ARHGAP32: variants seen among roughly 807,000 people sequenced by gnomAD.
The protein encoded by ARHGAP32 is Rho GTPase activating protein 32, also known as rho GTPase-activating protein 32.
In ARHGAP32, 51 loss-of-function variants were observed where a neutral mutation model predicts 186.5. The observed-to-expected ratio is 0.27, with a 90% CI of 0.22 to 0.35. The LOEUF is 0.35. Among genes scored for constraint, ARHGAP32 ranks in the 10% least tolerant of loss-of-function variants. The pLI, the probability that ARHGAP32 is intolerant of heterozygous loss-of-function variation, is 1.00. For synonymous variants in ARHGAP32, 950 were observed against 964.3 expected (o/e 0.99, Z 0.27); for missense variants, 2,186 against 2,623.5 (o/e 0.83, Z 3.64).
rs1591625159 is a variant in ARHGAP32, at chr11:129,111,914, G to A, written c.444+11532C>T. Among the ~76,000 whole-genome samples the A allele has an allele frequency of 3.3e-5, 5 of 151,878 alleles. No homozygotes were observed. The South Asian group carries it at 6.2e-4, about 19-fold the overall frequency. On this transcript the variant is annotated intron_variant, in intron 5 of 22. Transcript: ENST00000682385. The stretch of plus-strand genomic sequence containing the variant: ...AGTAGCAGGGACTATGGCACATACC[G>A]TTATGCCTGGCTAATGTTTGTATTT...
rs562372001 is a variant in ARHGAP32 at position 129,101,116 on chromosome 11, C to A, written c.445-7409G>T. Among the ~76,000 whole-genome samples the A allele has an allele frequency of 4.5e-4, 68 of 152,128 alleles. 1 individual carries two copies. Among genetic ancestry groups the A allele is most frequent in the African/African-American group, 1.3e-3 (56 of 41,486 alleles). ...GTTGGGAGCAGAGCGCTGGTCCCCC[C>A]AAAAATTTCCAGAAATGAAGCCAAT... On this transcript the variant is annotated intron_variant, in intron 5 of 22. Transcript: ENST00000682385.
chr11:129,085,854 C>A (rs915868254), intron 6 of ARHGAP32, among the ~76,000 whole-genome samples: 1 of 151,676 alleles, frequency 6.6e-6, no homozygotes, highest in Non-Finnish European at 1.5e-5. Context: ...ATTAGCCAGG[C>A]GTGGTGGCGG....
At chr11:129,204,991 T>C (rs1366847415) in intron 1 of ARHGAP32, among the ~76,000 whole-genome samples, 1 of 152,198 alleles carries the variant, frequency 6.6e-6, no homozygotes, top group Non-Finnish European at 1.5e-5. Flanking sequence ...TATTGAAATT[T>C]GTTCTGCTAA....
intron 1 of ARHGAP32, among the ~76,000 whole-genome samples, chr11:129,218,616 GA>G (rs1944674236): frequency 6.6e-6 from 1 of 152,152 alleles, no homozygotes; most frequent in Non-Finnish European, 1.5e-5. Context: ...AGATGAGACA[GA>G]AAAGGGACAG....
At chr11:129,146,983 T>A (rs1355574312) in intron 2 of ARHGAP32, among the ~76,000 whole-genome samples, 1 of 152,098 alleles carries the variant, frequency 6.6e-6, no homozygotes, top group Non-Finnish European at 1.5e-5. Context: ...AAAGGGTCCC[T>A]AACTTACTTA....
At chr11:129,189,218 A>G (rs570990795) in intron 1 of ARHGAP32, among the ~76,000 whole-genome samples, 405 of 152,314 alleles carry the variant, frequency 2.7e-3, no homozygotes, top group African/African-American at 9.2e-3. Flanking sequence ...ATCTTTCATT[A>G]AAGTCTTCAC....
chr11:129,227,635 T>A (rs1668094449), intron 1 of ARHGAP32, among the ~76,000 whole-genome samples: 1 of 151,994 alleles, frequency 6.6e-6, no homozygotes, highest in African/African-American at 2.4e-5. Flanking sequence ...CACTAACATC[T>A]AACAAAATAA....
chr11:129,279,274 G>T (rs1945580091), exon 1 of ARHGAP32: 1 of 142,560 alleles, frequency 7.0e-6, no homozygotes, highest in South Asian at 1.9e-4. Flanking sequence ...CGCCCGCGCC[G>T]CCGAGCCTAG....
At chr11:128,976,517 T>C (rs763474854) in intron 20 of ARHGAP32, 46 bp downstream of exon 20, 2 of 1,456,094 alleles carry the variant, frequency 1.4e-6, no homozygotes, top group South Asian at 1.2e-5. Flanking sequence ...AGTATTCCTT[T>C]ATGCAATATA....
At chr11:129,137,753 G>A (rs1942966765) in intron 2 of ARHGAP32, among the ~76,000 whole-genome samples, 1 of 151,938 alleles carries the variant, frequency 6.6e-6, no homozygotes, top group Non-Finnish European at 1.5e-5. Flanking sequence ...TTTAAATAAG[G>A]CAGCTAGACT....
intron 11 of ARHGAP32, among the ~76,000 whole-genome samples, chr11:129,038,477 A>T (rs1158185648): frequency 6.6e-6 from 1 of 152,114 alleles, no homozygotes; most frequent in Non-Finnish European, 1.5e-5. Context: ...AAAAACTTGT[A>T]TGCATCAATG....
chr11:129,187,081 C>T (rs1479066322), intron 1 of ARHGAP32, among the ~76,000 whole-genome samples: 1 of 152,160 alleles, frequency 6.6e-6, no homozygotes, highest in Non-Finnish European at 1.5e-5. Flanking sequence ...TGTTGCAGCA[C>T]TGTTCACAAT....
intron 11 of ARHGAP32, among the ~76,000 whole-genome samples, chr11:129,021,829 T>C (rs1938607010): frequency 6.6e-6 from 1 of 152,040 alleles, no homozygotes; most frequent in Non-Finnish European, 1.5e-5. Context: ...ACCTCGGTTA[T>C]TATATAAGAG....
At chr11:129,273,679 T>C (rs1050587494) in intron 1 of ARHGAP32, among the ~76,000 whole-genome samples, 1 of 152,188 alleles carries the variant, frequency 6.6e-6, no homozygotes, top group Non-Finnish European at 1.5e-5. Context: ...CAACCACCTA[T>C]ATTTCTCCAA....
chr11:128,969,766 C>T lies in ARHGAP32; in HGVS notation c.5447G>A (p.Gly1816Glu), dbSNP rs1945306925. The change falls in exon 23 of 23, where the codon GGA becomes GAA. Residue 1816 changes from glycine to glutamate, a missense_variant. Coordinates refer to ENST00000682385, the MANE Select transcript of ARHGAP32 (RefSeq NM_001378024.1). This position sits in a 1 kb window ranked among gnomAD's most constrained non-coding sequence, Gnocchi z 4.8. Reference sequence around the variant, plus strand: ...CTTTCCTTCTGCCACTGAGAGAAGTCCAGTTTTCCCAGGATCTGATTTACT... The same window carrying T: ...CTTTCCTTCTGCCACTGAGAGAAGTTCAGTTTTCCCAGGATCTGATTTACT... ...LRSKSDPGKT[G>E]LLSVAEGKES... is the part of the protein sequence containing the mutation. 1.2e-6 allele frequency: 2 copies of T among 1,614,162 alleles called. No individual in the cohort carries two copies. The highest frequency in any genetic ancestry group is 4.5e-5 in the East Asian group (2 of 44,886).
intron 1 of ARHGAP32, among the ~76,000 whole-genome samples, chr11:129,204,237 T>C (rs1231866575): frequency 6.6e-6 from 1 of 151,964 alleles, no homozygotes; most frequent in Non-Finnish European, 1.5e-5. Context: ...ACCATATTCC[T>C]GCTCACCGCT....
intron 1 of ARHGAP32, among the ~76,000 whole-genome samples, chr11:129,186,281 T>C (rs1374413416): frequency 6.6e-6 from 1 of 152,154 alleles, no homozygotes; most frequent in Non-Finnish European, 1.5e-5. Context: ...CTCATACAGA[T>C]AGATACAAGA....
At position 128,968,116 on chromosome 11, in the gene ARHGAP32, A is replaced by T. The variant is rs1029195642; in HGVS notation, c.*791T>A. On this transcript the variant is annotated 3_prime_UTR_variant, in exon 23 of 23. Coordinates refer to ENST00000682385, the MANE Select transcript of ARHGAP32 (RefSeq NM_001378024.1). ...GTGCTAATAAAGTTCACTGACAATA[A>T]GAACTTTACTTTCTTCCACCTAAAG... 6.6e-6 allele frequency: 1 copy of T among 152,064 alleles called. No homozygotes were observed. The highest frequency in any genetic ancestry group is 2.4e-5 in the African/African-American group (1 of 41,406). 9.4% of individuals were successfully genotyped at this position (152,064 alleles called of 1,614,324 possible). A position where few individuals can be genotyped will look rare whatever the true frequency, so the allele number is the denominator to read the frequency against.
chr11:129,151,475 CAT>C (rs1943287710), intron 2 of ARHGAP32, among the ~76,000 whole-genome samples: 2 of 152,096 alleles, frequency 1.3e-5, no homozygotes, highest in Admixed American at 1.3e-4. Context: ...TGATAGGTCA[CAT>C]GTCTCTATAA....
Sources: allele counts gnomAD v4.1 joint callset (sites outside exome capture counted in the v4.1 genomes callset), GRCh38; gene constraint gnomAD v4.1.1; non-coding constraint Gnocchi (gnomAD v3.1); transcripts MANE v1.5; gene names NCBI Gene and HGNC (gene_info 2026-07-23, HGNC 2026-07-21).